Variants in PPT1 observed in about 807,000 individuals in gnomAD.
The protein encoded by PPT1 is ceroid-palmitoyl-palmitoyl-protein thioesterase 1.
In PPT1, 24 loss-of-function variants were observed where a neutral mutation model predicts 44.0. The ratio of observed to expected loss-of-function variants is 0.54; its 90% CI spans 0.39 to 0.77. The LOEUF is 0.77. Among genes scored for constraint, PPT1 ranks in the 30% least tolerant of loss-of-function variants. PPT1 has a pLI of 0.00. For missense variants in PPT1, 341 were observed against 378.8 expected (o/e 0.90, Z 0.83); for synonymous variants, 148 against 140.2 (o/e 1.06, Z -0.39).
intron 7 of PPT1, among the ~76,000 whole-genome samples, chr1:40,077,630 A>C (rs796478897): frequency 6.6e-6 from 1 of 152,342 alleles, no homozygotes; most frequent in East Asian, 1.9e-4. Context: ...CAATCGGCCA[A>C]TCCCTGGTGG....
chr1:40,092,910 C>G (rs1649647868), intron 1 of PPT1, among the ~76,000 whole-genome samples: 1 of 152,120 alleles, frequency 6.6e-6, no homozygotes, highest in African/African-American at 2.4e-5. Flanking sequence ...AATGGGACCC[C>G]TTGGACATTG....
In PPT1 at chr1:40,092,510, A is replaced by G; in HGVS notation, c.125-3T>C. The G allele has an allele frequency of 6.2e-7, 1 of 1,600,020 alleles. No homozygotes were observed. Among genetic ancestry groups the G allele is most frequent in the Non-Finnish European group, 8.6e-7 (1 of 1,167,142 alleles). ...TAAGGGATTGCAACAGCTGTCTCCT[A>G]GCCAACAAAACACAATGATGGAAAC... On this transcript the variant is annotated splice_region_variant and splice_polypyrimidine_tract_variant and intron_variant, in intron 1 of 8. Transcript: ENST00000642050.
At chr1:40,080,619 T>A in intron 5 of PPT1, 132 bp from the exon 6 acceptor site, 2 of 804,300 alleles carry the variant, frequency 2.5e-6, no homozygotes, top group Non-Finnish European at 4.2e-6. Flanking sequence ...CTCACACCTG[T>A]AATCCCAGCA....
intron 5 of PPT1, among the ~76,000 whole-genome samples, chr1:40,084,002 G>T (rs937869721): frequency 1.3e-5 from 2 of 152,166 alleles, no homozygotes; most frequent in African/African-American, 4.8e-5. Flanking sequence ...GCAGTAAGCT[G>T]TAATGGCACC....
chr1:40,079,305 G>A (rs1454376188), intron 6 of PPT1, among the ~76,000 whole-genome samples: 3 of 151,892 alleles, frequency 2.0e-5, no homozygotes, highest in African/African-American at 4.8e-5. Flanking sequence ...CAATAAACAC[G>A]AGTGCAAGTG....
intron 5 of PPT1, among the ~76,000 whole-genome samples, chr1:40,082,949 G>A (rs1370257430): frequency 6.6e-6 from 1 of 152,214 alleles, no homozygotes; most frequent in Non-Finnish European, 1.5e-5. Context: ...GCCTCATGGA[G>A]CTGATGACTT....
At chr1:40,077,811 C>T (rs1259853960) in intron 7 of PPT1, among the ~76,000 whole-genome samples, 3 of 152,048 alleles carry the variant, frequency 2.0e-5, no homozygotes, top group African/African-American at 2.4e-5. Context: ...CCAAGGCATA[C>T]GAGAGAAAAA....
chr1:40,076,457 C>G (rs1648636467), intron 8 of PPT1, among the ~76,000 whole-genome samples: 1 of 151,978 alleles, frequency 6.6e-6, no homozygotes, highest in African/African-American at 2.4e-5. Flanking sequence ...AGAGCGAGAC[C>G]CCGTCTCAAA....
chr1:40,079,648 G>A (rs1379857743), intron 6 of PPT1, among the ~76,000 whole-genome samples: 1 of 151,942 alleles, frequency 6.6e-6, no homozygotes, highest in Non-Finnish European at 1.5e-5. Context: ...TGCCCACCTC[G>A]GCCTCCCAAA....
At chr1:40,089,878 C>G (rs1018873524) in intron 4 of PPT1, among the ~76,000 whole-genome samples, 11 of 151,958 alleles carry the variant, frequency 7.2e-5, no homozygotes, top group African/African-American at 2.7e-4. Context: ...CCTTAGCATC[C>G]TCATCAATAA....
chr1:40,075,445 G>T (rs1418273471), intron 8 of PPT1, among the ~76,000 whole-genome samples: 1 of 149,822 alleles, frequency 6.7e-6, no homozygotes. Context: ...AGTTTTCACA[G>T]TAAGGAAGTT....
intron 5 of PPT1, among the ~76,000 whole-genome samples, chr1:40,088,539 C>A (rs1056000975): frequency 6.6e-6 from 1 of 152,148 alleles, no homozygotes; most frequent in East Asian, 1.9e-4. Flanking sequence ...TGAACAAGCA[C>A]ATACTACAAA....
At position 40,076,871 on chromosome 1, in the gene PPT1, G is replaced by T. The variant is rs201313087; in HGVS notation, c.769C>A (p.Pro257Thr). 8.1e-6 allele frequency: 13 copies of T among 1,614,194 alleles called. No homozygotes were observed. Among genetic ancestry groups the T allele is most frequent in the African/African-American group, 1.3e-5 (1 of 75,074 alleles). The change falls in exon 8 of 9, where the codon CCC becomes ACC. Residue 257 changes from proline to threonine, a missense_variant. Coordinates refer to ENST00000642050, the MANE Select transcript of PPT1 (RefSeq NM_000310.4). ...GTGTACAGGGAGGTCTCCTGTAAGG[G>T]AATGGTTTCCTTGGCTTGGCCACTT... ...YRSGQAKETI[P>T]LQETSLYTQD... is the part of the protein sequence containing the mutation.
intron 8 of PPT1, 66 bp from the exon 9 acceptor site, chr1:40,074,249 C>G (rs760080260): frequency 8.2e-6 from 13 of 1,586,770 alleles, no homozygotes; most frequent in Non-Finnish European, 1.1e-5. Context: ...ATGGTAAGTA[C>G]GTTAACTTGA....
chr1:40,076,733 G>C, intron 8 of PPT1, 109 bp downstream of exon 8: 1 of 1,596,728 alleles, frequency 6.3e-7, no homozygotes, highest in African/African-American at 1.3e-5. Flanking sequence ...GGAGTACCTA[G>C]TGCTCTGAGG....
intron 4 of PPT1, among the ~76,000 whole-genome samples, chr1:40,090,522 TTGTC>T (rs1270934777): frequency 2.0e-5 from 3 of 152,180 alleles, no homozygotes; most frequent in Non-Finnish European, 4.4e-5. Flanking sequence ...TGCAAGAACC[TTGTC>T]TGTCTTGTTC....
downstream of PPT1, chr1:40,072,265 A>C: frequency 3.3e-6 from 1 of 299,374 alleles, no homozygotes; most frequent in Admixed American, 7.3e-5. Context: ...AAAAAAAAAA[A>C]AAAAAACCCA....
At chr1:40,088,563 C>CT (rs949817061) in intron 5 of PPT1, among the ~76,000 whole-genome samples, 8 of 150,722 alleles carry the variant, frequency 5.3e-5, no homozygotes, top group African/African-American at 7.3e-5. Flanking sequence ...AATTCTGCAT[C>CT]TTTTTTTTTT....
intron 1 of PPT1, among the ~76,000 whole-genome samples, chr1:40,092,862 T>C (rs1649644312): frequency 6.6e-6 from 1 of 152,190 alleles, no homozygotes; most frequent in Non-Finnish European, 1.5e-5. Flanking sequence ...TAATAATTTT[T>C]TAATAGAAAA....
Sources: gnomAD v4.1 joint callset for allele counts (sites outside exome capture counted in the v4.1 genomes callset) on GRCh38, gnomAD v4.1.1 for gene constraint, MANE v1.5 for transcripts, NCBI Gene and HGNC (gene_info 2026-07-23, HGNC 2026-07-21) for gene names.